The following TM6SF1 variants were observed in gnomAD, a reference collection of about 807,000 sequenced individuals.
TM6SF1 encodes transmembrane 6 superfamily member 1.
In TM6SF1, 43 loss-of-function variants were observed where a neutral mutation model predicts 47.1. The ratio of observed to expected loss-of-function variants is 0.91; its 90% CI spans 0.72 to 1.18. The LOEUF (loss-of-function observed/expected upper bound fraction) is 1.18, where lower values mean the gene tolerates loss of function less well. Ranked by LOEUF, TM6SF1 falls within the 50% of genes most tolerant of loss-of-function variation. TM6SF1 has a pLI of 0.00. For synonymous variants in TM6SF1, 177 were observed against 166.3 expected (o/e 1.06, Z -0.49); for missense variants, 390 against 449.0 (o/e 0.87, Z 1.19).
chr15:83,119,553 G>A (rs369785240), intron 3 of TM6SF1, 25 bp from the exon 4 acceptor site: 2 of 1,612,272 alleles, frequency 1.2e-6, no homozygotes, highest in African/African-American at 2.7e-5. Flanking sequence ...ATTTAAAGTG[G>A]ACTTCTTTTT....
intron 9 of TM6SF1, chr15:83,129,976 T>C (rs372652453): frequency 6.6e-6 from 1 of 152,210 alleles, no homozygotes; most frequent in African/African-American, 2.4e-5. Context: ...ACTGTTCAGT[T>C]TGACAGCTGT....
intron 4 of TM6SF1, 38 bp from the exon 5 acceptor site, chr15:83,121,883 C>G: frequency 6.7e-7 from 1 of 1,495,400 alleles, no homozygotes; most frequent in Non-Finnish European, 9.2e-7. Flanking sequence ...CTAAGACAAA[C>G]ATACCAAGTC....
chr15:83,121,198 G>A (rs1179591317), intron 4 of TM6SF1, among the ~76,000 whole-genome samples: 4 of 151,664 alleles, frequency 2.6e-5, no homozygotes, highest in Non-Finnish European at 5.9e-5. Context: ...AGCCTCCCAA[G>A]TAGCTGGAAT....
rs185422289 is a variant in TM6SF1, at chr15:83,134,638, A to G, written c.922-1843A>G. The G allele has an allele frequency of 2.0e-5, 3 of 152,358 alleles. No individual in the cohort carries two copies. The East Asian group carries it at 5.8e-4, about 29-fold the overall frequency. The allele number at this position is 152,358 out of a possible 1,614,324, so 9.4% of individuals were successfully genotyped here. A position where few individuals can be genotyped will look rare whatever the true frequency, so the allele number is the denominator to read the frequency against. ...ACTGACTTTTTACACAGGCTCCCCT[A>G]TGCAAGTAGGCACAACTGCTCATAT... On this transcript the variant is annotated intron_variant, in intron 9 of 9. Coordinates refer to ENST00000322019, the MANE Select transcript of TM6SF1 (RefSeq NM_023003.5).
At chr15:83,112,530 G>A (rs963762437) in intron 1 of TM6SF1, among the ~76,000 whole-genome samples, 10 of 152,072 alleles carry the variant, frequency 6.6e-5, no homozygotes, top group East Asian at 1.9e-4. Context: ...AGCTCCAGAC[G>A]TGTCATCTGT....
intron 9 of TM6SF1, 22 bp downstream of exon 9, chr15:83,127,499 G>A: frequency 6.2e-7 from 1 of 1,612,300 alleles, no homozygotes; most frequent in Non-Finnish European, 8.5e-7. Flanking sequence ...ATTCTGTTGA[G>A]AAGGTTTACT....
chr15:83,119,018 A>G (rs995428138), intron 3 of TM6SF1, among the ~76,000 whole-genome samples: 74 of 152,112 alleles, frequency 4.9e-4, no homozygotes, highest in African/African-American at 1.7e-3. Context: ...AATGGACTCA[A>G]TCCTGTCCAT....
At chr15:83,124,419 GA>G (rs934237657) in intron 6 of TM6SF1, among the ~76,000 whole-genome samples, 2 of 151,954 alleles carry the variant, frequency 1.3e-5, no homozygotes, top group Non-Finnish European at 2.9e-5. Flanking sequence ...GTCATTTCAA[GA>G]AAAAAAGTGG....
chr15:83,136,192 AG>A, intron 9 of TM6SF1: 1 of 260,820 alleles, frequency 3.8e-6, no homozygotes, highest in Non-Finnish European at 7.2e-6. Flanking sequence ...ATGTTCGGTA[AG>A]GGGCACTTGA....
chr15:83,136,593 T>C lies in TM6SF1; in HGVS notation c.1034T>C (p.Leu345Pro), dbSNP rs780964372. 3.1e-6 allele frequency: 5 copies of C among 1,613,934 alleles called. No homozygotes were observed. The highest frequency in any genetic ancestry group is 4.2e-6 in the Non-Finnish European group (5 of 1,179,882). The change falls in exon 10 of 10, where the codon CTT becomes CCT. Residue 345 changes from leucine (L) to proline (P), a missense_variant. Coordinates refer to ENST00000322019, the MANE Select transcript of TM6SF1 (RefSeq NM_023003.5). ...FLALNIAYGV[L>P]PQLLAYRCIY... ...GCATTAAACATAGCATATGGAGTTC[T>C]TCCTCAGCTCTTGGCCTATCGTTGT...
intron 9 of TM6SF1, chr15:83,130,159 G>A (rs2036120262): frequency 6.6e-6 from 1 of 152,294 alleles, no homozygotes; most frequent in Non-Finnish European, 1.5e-5. Flanking sequence ...CAAGTCTCAG[G>A]AGACAAATGG....
chr15:83,126,729 T>C (rs2035783703), intron 7 of TM6SF1, 26 bp from the exon 8 acceptor site: 1 of 1,576,072 alleles, frequency 6.3e-7, no homozygotes, highest in South Asian at 1.1e-5. Context: ...ATTGTATTTT[T>C]ATAATGAGTT....
At chr15:83,127,910 A>G in intron 9 of TM6SF1, 1 of 162,224 alleles carries the variant, frequency 6.2e-6, no homozygotes, top group Non-Finnish European at 1.3e-5. Flanking sequence ...CTGGTTTAAA[A>G]AATGTTCTGG....
Position 83,107,982 on chromosome 15 carries a change from C to G in TM6SF1, c.92+210C>G. The G allele has an allele frequency of 2.9e-6, 3 of 1,028,440 alleles. No individual in the cohort carries two copies. The highest frequency in any genetic ancestry group is 3.8e-6 in the Non-Finnish European group (3 of 787,788). 63.7% of individuals were successfully genotyped at this position (1,028,440 alleles called of 1,614,324 possible). On this transcript the variant is annotated intron_variant, in intron 1 of 9. Transcript: ENST00000322019. This position sits in a 1 kb window ranked among gnomAD's most constrained non-coding sequence, Gnocchi z 5.6. Reference sequence around the variant, plus strand: ...TCTTGGAGCCGGGCCCTGAGGTGCCCAGGCTGGCGCATTTCGGGATGTTGG... The same window carrying G: ...TCTTGGAGCCGGGCCCTGAGGTGCCGAGGCTGGCGCATTTCGGGATGTTGG...
chr15:83,107,716 G>C lies in TM6SF1; in HGVS notation c.36G>C (p.Leu12=). 1 of 1,575,556 alleles carries C rather than the reference G, an allele frequency of 6.3e-7. No homozygotes were observed. Among genetic ancestry groups the C allele is most frequent in the Non-Finnish European group, 8.6e-7 (1 of 1,163,132 alleles). The part of the protein sequence containing the change: ...SASAATGVFV[L]SLSAIPVTYV... The stretch of plus-strand genomic sequence containing the variant: ...CTGCGGCCACCGGGGTCTTCGTGCT[G>C]TCCCTCTCGGCCATCCCGGTCACCT... Residue 12 remains leucine (L), a synonymous_variant, in exon 1 of 10, where the codon CTG becomes CTC. Coordinates refer to ENST00000322019, the MANE Select transcript of TM6SF1 (RefSeq NM_023003.5). The surrounding 1 kb of genome is among the most constrained non-coding windows in gnomAD (Gnocchi z 5.6).
intron 4 of TM6SF1, among the ~76,000 whole-genome samples, chr15:83,121,425 TAGC>T (rs1220911419): frequency 6.6e-6 from 1 of 152,186 alleles, no homozygotes; most frequent in East Asian, 1.9e-4. Flanking sequence ...GGTATATGTC[TAGC>T]AGCTCCTTTG....
intron 4 of TM6SF1, among the ~76,000 whole-genome samples, chr15:83,121,221 C>A (rs1437247423): frequency 6.6e-6 from 1 of 151,892 alleles, no homozygotes; most frequent in Non-Finnish European, 1.5e-5. Flanking sequence ...CAGGTGCATG[C>A]CACCATGCCC....
chr15:83,115,784 A>C, intron 2 of TM6SF1, 61 bp from the exon 3 acceptor site: 1 of 1,108,854 alleles, frequency 9.0e-7, no homozygotes, highest in South Asian at 1.3e-5. Context: ...AGCTGATGCC[A>C]AGCTTGTAGT....
At chr15:83,128,768 G>A (rs1007755029) in intron 9 of TM6SF1, 2 of 151,962 alleles carry the variant, frequency 1.3e-5, no homozygotes, top group African/African-American at 4.8e-5. Context: ...AGCAACTCAA[G>A]CCAGAAACTT....
Sources: gnomAD v4.1 joint callset for allele counts (sites outside exome capture counted in the v4.1 genomes callset) on GRCh38, gnomAD v4.1.1 for gene constraint, Gnocchi (gnomAD v3.1) non-coding constraint, MANE v1.5 for transcripts, NCBI Gene and HGNC (gene_info 2026-07-23, HGNC 2026-07-21) for gene names.